AK5: variants seen among roughly 807,000 people sequenced by gnomAD.
AK5 encodes the protein adenylate kinase isoenzyme 5.
In AK5, 27 loss-of-function variants were observed where a neutral mutation model predicts 69.5. That is an observed-to-expected ratio of 0.39 (90% CI 0.29 to 0.54). AK5 has a LOEUF of 0.54. AK5 is among the 20% of genes least tolerant of loss of function. The pLI is 0.71. For synonymous variants in AK5, 260 were observed against 244.4 expected, an observed-to-expected ratio of 1.06 and a Z score of -0.60; for missense variants, 531 against 700.4, an observed-to-expected ratio of 0.76 and a Z score of 2.73.
At chr1:77,466,384 G>A (rs1326109619) in intron 8 of AK5, among the ~76,000 whole-genome samples, 2 of 151,990 alleles carry the variant, frequency 1.3e-5, no homozygotes, top group South Asian at 2.1e-4. Context: ...TACTTATATC[G>A]TTACCTAATA....
intron 11 of AK5, among the ~76,000 whole-genome samples, chr1:77,520,990 T>TAAATGAAGTA (rs1248983990): frequency 2.6e-5 from 4 of 152,180 alleles, no homozygotes; most frequent in Non-Finnish European, 5.9e-5. Flanking sequence ...TCCTACTTCA[T>TAAATGAAGTA]TTACCATAGC....
intron 5 of AK5, among the ~76,000 whole-genome samples, chr1:77,306,420 AG>A (rs1166889817): frequency 5.3e-5 from 8 of 151,544 alleles, no homozygotes; most frequent in Non-Finnish European, 1.0e-4. Context: ...TGCATCCCAG[AG>A]ATAAATCTCA....
At chr1:77,513,908 T>C (rs1657493552) in intron 10 of AK5, among the ~76,000 whole-genome samples, 1 of 152,184 alleles carries the variant, frequency 6.6e-6, no homozygotes, top group Admixed American at 6.5e-5. Flanking sequence ...GTGATGCAGA[T>C]GGTTTCAGTT....
intron 5 of AK5, among the ~76,000 whole-genome samples, chr1:77,328,245 A>T (rs1660905881): frequency 6.6e-6 from 1 of 152,178 alleles, no homozygotes; most frequent in Non-Finnish European, 1.5e-5. Context: ...TCACGCCTGT[A>T]ATTGCAGCAC....
chr1:77,391,495 G>GTATGTGTGTATATATATA (rs1553144161), intron 6 of AK5, among the ~76,000 whole-genome samples: 1 of 63,452 alleles, frequency 1.6e-5, no homozygotes, highest in African/African-American at 5.3e-5. Context: ...GTGTGTGTGT[G>GTATGTGTGTATATATATA]TATATATATA....
chr1:77,322,663 C>T (rs764688453), intron 5 of AK5, among the ~76,000 whole-genome samples: 15 of 152,150 alleles, frequency 9.9e-5, no homozygotes, highest in Non-Finnish European at 1.9e-4. Flanking sequence ...GATTAAATGA[C>T]TGGCTGGAAT....
rs1557532615 is a variant in AK5 at position 77,367,570 on chromosome 1, T to TG, written c.891+27002_891+27003insG. ...TTTATGTTATTTTTATATATATATA[T>TG]ATATATATAATATATATGTTATATA... On this transcript the variant is annotated intron_variant, in intron 6 of 13. Transcript: ENST00000354567. Among the ~76,000 whole-genome samples the TG allele has an allele frequency of 4.8e-5, 2 of 41,682 alleles. 1 individual carries two copies. Among genetic ancestry groups the TG allele is most frequent in the Non-Finnish European group, 7.7e-5 (2 of 26,096 alleles). 27.3% of individuals were successfully genotyped at this position (41,682 alleles called of 152,430 possible).
At chr1:77,532,955 T>C (rs1200539207) in intron 12 of AK5, among the ~76,000 whole-genome samples, 1 of 152,230 alleles carries the variant, frequency 6.6e-6, no homozygotes, top group African/African-American at 2.4e-5. Context: ...CCAAGGGACT[T>C]TCTAATGATA....
intron 10 of AK5, among the ~76,000 whole-genome samples, chr1:77,495,888 C>A (rs1353318777): frequency 6.6e-6 from 1 of 152,220 alleles, no homozygotes; most frequent in Non-Finnish European, 1.5e-5. Context: ...TATTCTCTCT[C>A]TGCTATAGTA....
chr1:77,477,566 G>A (rs1420390123), intron 8 of AK5, among the ~76,000 whole-genome samples: 1 of 152,070 alleles, frequency 6.6e-6, no homozygotes, highest in Non-Finnish European at 1.5e-5. Flanking sequence ...ATTCTGTTTA[G>A]TACTCATTGA....
chr1:77,491,537 C>A (rs1409919094), intron 10 of AK5, among the ~76,000 whole-genome samples: 1 of 152,082 alleles, frequency 6.6e-6, no homozygotes, highest in Non-Finnish European at 1.5e-5. Context: ...GAACTCCTGA[C>A]CTCGTGATCC....
chr1:77,523,259 C>T (rs1022280436), intron 12 of AK5, among the ~76,000 whole-genome samples: 3 of 152,088 alleles, frequency 2.0e-5, no homozygotes, highest in African/African-American at 7.2e-5. Context: ...ATGGGTGGAC[C>T]CTGGACCCAT....
At chr1:77,314,653 A>G (rs1660152685) in intron 5 of AK5, 1 of 152,136 alleles carries the variant, frequency 6.6e-6, no homozygotes, top group African/African-American at 2.4e-5. Flanking sequence ...AACATTCAAT[A>G]TCCTCCATCC....
intron 5 of AK5, among the ~76,000 whole-genome samples, chr1:77,323,502 A>T (rs904590577): frequency 6.6e-6 from 1 of 152,208 alleles, no homozygotes; most frequent in Non-Finnish European, 1.5e-5. Context: ...CTTGTCTGAA[A>T]AGTTTTAGGA....
chr1:77,475,366 T>A (rs866310002), intron 8 of AK5, among the ~76,000 whole-genome samples: 1 of 119,248 alleles, frequency 8.4e-6, no homozygotes, highest in Non-Finnish European at 1.7e-5. Context: ...ATTATATATA[T>A]ACAAATATAT....
chr1:77,533,712 T>C (rs1038542320), intron 12 of AK5, among the ~76,000 whole-genome samples: 2 of 152,060 alleles, frequency 1.3e-5, no homozygotes, highest in Non-Finnish European at 2.9e-5. Flanking sequence ...CGGCTCCTGC[T>C]CAGTGACATA....
intron 3 of AK5, 78 bp from the exon 4 acceptor site, chr1:77,297,481 C>G (rs931975611): frequency 3.0e-6 from 4 of 1,350,724 alleles, no homozygotes; most frequent in Non-Finnish European, 4.0e-6. Context: ...ATTTGCATCC[C>G]AGATGAAGTA....
intron 2 of AK5, among the ~76,000 whole-genome samples, chr1:77,287,796 C>T (rs767047351): frequency 3.3e-5 from 5 of 152,188 alleles, no homozygotes; most frequent in Admixed American, 6.5e-5. Context: ...GGATTGGTTA[C>T]GGTTCAGCAT....
chr1:77,460,780 G>A (rs1341826871), intron 8 of AK5, among the ~76,000 whole-genome samples: 1 of 151,932 alleles, frequency 6.6e-6, no homozygotes, highest in East Asian at 1.9e-4. Flanking sequence ...CTGGAGTGCA[G>A]TGATGCAATC....
Sources: gnomAD v4.1 joint callset for allele counts (sites outside exome capture counted in the v4.1 genomes callset) on GRCh38, gnomAD v4.1.1 for gene constraint, MANE v1.5 for transcripts, NCBI Gene and HGNC (gene_info 2026-07-23, HGNC 2026-07-21) for gene names.